SHC4: variants seen among roughly 807,000 people sequenced by gnomAD.
SHC4 encodes SHC-transforming protein 4.
Under a neutral mutation model 69.4 loss-of-function variants are expected in SHC4, and 41 were observed. The ratio of observed to expected loss-of-function variants is 0.59; its 90% confidence interval spans 0.46 to 0.77. The LOEUF (loss-of-function observed/expected upper bound fraction) is 0.77, where lower values mean the gene tolerates loss of function less well. Ranked by LOEUF, SHC4 falls within the 30% of genes least tolerant of loss-of-function variation. SHC4 has a pLI of 0.00. For synonymous variants in SHC4, 318 were observed against 299.3 expected, an observed-to-expected ratio of 1.06 and a Z score of -0.64; for missense variants, 777 against 783.8, an observed-to-expected ratio of 0.99 and a Z score of 0.10.
rs749188702 is a variant in SHC4 at position 48,890,790 on chromosome 15, A to G, written c.678T>C (p.Cys226=). The G allele has an allele frequency of 6.2e-7, 1 of 1,614,220 alleles. No individual in the cohort carries two copies. Residue 226 remains cysteine (C), a synonymous_variant, in exon 3 of 12, where the codon TGT becomes TGC. Coordinates refer to ENST00000332408, the MANE Select transcript of SHC4 (RefSeq NM_203349.4). ...QVTREAISRL[C]EAVPGANGAI... ...CTCCATTTGCCCCGGGGACAGCTTC[A>G]CACAGGCGACTTATTGCTTCCCTAA...
At chr15:48,945,917 C>T (rs532260190) in intron 1 of SHC4, 1 of 152,132 alleles carries the variant, frequency 6.6e-6, no homozygotes, top group African/African-American at 2.4e-5. Context: ...AGAAAAAAAC[C>T]TGACATTTAC....
chr15:48,890,683 C>T (rs1900120445), intron 3 of SHC4, 65 bp downstream of exon 3: 4 of 1,586,854 alleles, frequency 2.5e-6, no homozygotes, highest in South Asian at 1.1e-5. Context: ...GAACGAACAG[C>T]GATTTTCATA....
intron 6 of SHC4, among the ~76,000 whole-genome samples, chr15:48,860,158 T>C (rs1899412957): frequency 2.9e-5 from 1 of 34,084 alleles, no homozygotes; most frequent in African/African-American, 4.8e-5. Flanking sequence ...AAATAAATAC[T>C]TTTTTTTTAA....
At chr15:48,895,197 G>A (rs1159272286) in intron 2 of SHC4, among the ~76,000 whole-genome samples, 1 of 152,044 alleles carries the variant, frequency 6.6e-6, no homozygotes, top group Non-Finnish European at 1.5e-5. Flanking sequence ...ACCATTCCAA[G>A]GTATGGACTT....
At chr15:48,834,080 T>C (rs149076226) in intron 11 of SHC4, among the ~76,000 whole-genome samples, 109 of 152,306 alleles carry the variant, frequency 7.2e-4, no homozygotes, top group African/African-American at 2.5e-3. Flanking sequence ...GCCTCCCCAC[T>C]GCCTGGCAAA....
chr15:48,838,680 G>C (rs1898939966), intron 10 of SHC4, among the ~76,000 whole-genome samples: 1 of 152,020 alleles, frequency 6.6e-6, no homozygotes, highest in Admixed American at 6.6e-5. Flanking sequence ...TTAAGATGCT[G>C]GTTGAGAAAA....
chr15:48,961,469 G>A (rs558944190), intron 1 of SHC4, among the ~76,000 whole-genome samples: 19 of 152,190 alleles, frequency 1.2e-4, no homozygotes, highest in African/African-American at 3.1e-4. Flanking sequence ...CCCAGCCTGT[G>A]TGATGCTCCC....
chr15:48,924,412 T>A (rs904120169), intron 2 of SHC4, among the ~76,000 whole-genome samples: 2 of 152,200 alleles, frequency 1.3e-5, no homozygotes, highest in Admixed American at 1.3e-4. Flanking sequence ...ACTTCCCTGA[T>A]TCCACTGTTC....
intron 2 of SHC4, among the ~76,000 whole-genome samples, chr15:48,923,095 G>A (rs147106936): frequency 3.9e-5 from 6 of 152,302 alleles, no homozygotes; most frequent in African/African-American, 1.4e-4. Context: ...GATTCCAGAG[G>A]AAATACCAAG....
At chr15:48,862,727 A>G (rs1317730336) in intron 6 of SHC4, among the ~76,000 whole-genome samples, 2 of 152,134 alleles carry the variant, frequency 1.3e-5, no homozygotes, top group African/African-American at 4.8e-5. Flanking sequence ...GCGAAATAGC[A>G]TCTTCCCACC....
At chr15:48,954,305 C>A (rs1901408882) in intron 1 of SHC4, among the ~76,000 whole-genome samples, 1 of 152,208 alleles carries the variant, frequency 6.6e-6, no homozygotes, top group African/African-American at 2.4e-5. Flanking sequence ...CGTTGAGAAC[C>A]ATTGCTCTGA....
rs144649697 is a variant in SHC4 at position 48,851,243 on chromosome 15, T to C, written c.1248A>G (p.Gly416=). The C allele has an allele frequency of 1.9e-6, 3 of 1,614,082 alleles. No homozygotes were observed. Among genetic ancestry groups the C allele is most frequent in the South Asian group, 2.2e-5 (2 of 91,070 alleles). Residue 416 remains glycine (G), a synonymous_variant, in exon 9 of 12, where the codon GGA becomes GGG. Transcript: ENST00000332408. ...CATATACACTGCTGCACTTGGAGTT[T>C]CCAGGCTGCATGAACAACAAATTAT... ...IQCEKLCYLP[G]NSKCSSVYEN... is the part of the protein sequence containing the mutation.
At chr15:48,899,057 A>AC (rs1472620669) in intron 2 of SHC4, among the ~76,000 whole-genome samples, 1 of 109,386 alleles carries the variant, frequency 9.1e-6, no homozygotes, top group Non-Finnish European at 1.9e-5. Context: ...AAAAAAAAAA[A>AC]AAAAACCGAA....
intron 10 of SHC4, among the ~76,000 whole-genome samples, chr15:48,838,746 T>C (rs1386476300): frequency 2.0e-5 from 3 of 152,066 alleles, no homozygotes; most frequent in African/African-American, 7.2e-5. Context: ...AATTCACATA[T>C]ATACTAAGAG....
intron 6 of SHC4, among the ~76,000 whole-genome samples, chr15:48,864,878 A>C (rs1227182426): frequency 6.6e-6 from 1 of 152,222 alleles, no homozygotes; most frequent in Non-Finnish European, 1.5e-5. Flanking sequence ...CAGTATTCAA[A>C]GTCCCCCCAC....
chr15:48,930,321 AC>A (rs1357740411), intron 1 of SHC4, among the ~76,000 whole-genome samples: 1 of 152,250 alleles, frequency 6.6e-6, no homozygotes, highest in African/African-American at 2.4e-5. Context: ...AGCAAAGCTC[AC>A]TACTTCATCT....
intron 10 of SHC4, among the ~76,000 whole-genome samples, chr15:48,837,809 G>T (rs1898925728): frequency 1.3e-5 from 2 of 151,912 alleles, no homozygotes; most frequent in Non-Finnish European, 2.9e-5. Flanking sequence ...ACACCCAAAT[G>T]GATCTAATGG....
At chr15:48,913,981 C>T (rs1005891451) in intron 2 of SHC4, among the ~76,000 whole-genome samples, 4 of 152,184 alleles carry the variant, frequency 2.6e-5, no homozygotes, top group African/African-American at 9.6e-5. Context: ...GAGCAATCTG[C>T]TTCCTTCAGA....
At chr15:48,829,340 C>A (rs781580818) in intron 11 of SHC4, among the ~76,000 whole-genome samples, 8 of 152,020 alleles carry the variant, frequency 5.3e-5, no homozygotes, top group Non-Finnish European at 1.2e-4. Context: ...ATTAAAATCC[C>A]CTACTATTAT....
Sources: gnomAD v4.1 joint callset for allele counts (sites outside exome capture counted in the v4.1 genomes callset) on GRCh38, gnomAD v4.1.1 for gene constraint, MANE v1.5 for transcripts, NCBI Gene and HGNC (gene_info 2026-07-23, HGNC 2026-07-21) for gene names.